Variants in CRTC1 observed in about 807,000 individuals in gnomAD.
The protein encoded by CRTC1 is CREB regulated transcription coactivator 1, also known as CREB-regulated transcription coactivator 1.
A neutral mutation model predicts 66.1 loss-of-function variants in CRTC1; 18 were observed. The observed-to-expected ratio is 0.27, with a 90% confidence interval of 0.19 to 0.40. The LOEUF (loss-of-function observed/expected upper bound fraction) is 0.40. Among genes scored for constraint, CRTC1 ranks in the 10% least tolerant of loss-of-function variants. CRTC1 has a pLI of 1.00. For missense variants in CRTC1, 669 were observed against 887.9 expected, an observed-to-expected ratio of 0.75 and a Z score of 3.13; for synonymous variants, 416 against 398.8, an observed-to-expected ratio of 1.04 and a Z score of -0.51.
chr19:18,733,606 A>G (rs73923156), intron 1 of CRTC1, among the ~76,000 whole-genome samples: 1,981 of 152,260 alleles, frequency 0.013, 25 homozygotes, highest in African/African-American at 0.025. Context: ...ATCATTCCCT[A>G]TCGCTTCCCA....
chr19:18,725,569 A>G (rs936434115), intron 1 of CRTC1, among the ~76,000 whole-genome samples: 4 of 152,064 alleles, frequency 2.6e-5, no homozygotes, highest in Non-Finnish European at 4.4e-5. Context: ...ACCTGTGGCT[A>G]TGCGTGCTCA....
At chr19:18,750,280 C>G (rs1450369504) in intron 5 of CRTC1, among the ~76,000 whole-genome samples, 4 of 152,218 alleles carry the variant, frequency 2.6e-5, no homozygotes, top group African/African-American at 9.7e-5. Flanking sequence ...CACTGCTTCC[C>G]ACTGGACTGT....
At chr19:18,744,467 C>T (rs1380912493) in intron 2 of CRTC1, among the ~76,000 whole-genome samples, 3 of 151,358 alleles carry the variant, frequency 2.0e-5, no homozygotes, top group Admixed American at 6.6e-5. Context: ...CTGCATGGTC[C>T]GTCCCTATAT....
chr19:18,731,002 G>C (rs1407942097), intron 1 of CRTC1, among the ~76,000 whole-genome samples: 1 of 151,880 alleles, frequency 6.6e-6, no homozygotes, highest in Non-Finnish European at 1.5e-5. Context: ...TTAAGAGACA[G>C]TGTCTCGCTG....
intron 2 of CRTC1, 131 bp from the exon 3 acceptor site, chr19:18,745,692 T>C: frequency 1.7e-6 from 2 of 1,162,162 alleles, no homozygotes; most frequent in Non-Finnish European, 2.5e-6. Flanking sequence ...CATCCCAGGC[T>C]GTGGAGCGAT....
chr19:18,696,878 C>T (rs999757525), intron 1 of CRTC1, among the ~76,000 whole-genome samples: 199 of 1,094 alleles, frequency 0.18, no homozygotes, highest in African/African-American at 0.38. Flanking sequence ...ATTGGGAGGG[C>T]GGGTGGGGGA....
At chr19:18,738,666 G>A (rs2054049554) in intron 1 of CRTC1, among the ~76,000 whole-genome samples, 2 of 152,222 alleles carry the variant, frequency 1.3e-5, no homozygotes, top group Admixed American at 1.3e-4. Flanking sequence ...TCTGAGTGTG[G>A]TGGCACGCCT....
chr19:18,710,555 G>A (rs2053367505), intron 1 of CRTC1, among the ~76,000 whole-genome samples: 2 of 152,174 alleles, frequency 1.3e-5, no homozygotes, highest in East Asian at 1.9e-4. Context: ...AGAGGGTAGC[G>A]AGGGTCACAC....
rs776947088 is a variant in CRTC1, at chr19:18,771,504, G to A, written c.1383G>A (p.Ser461=). Residue 461 remains serine, a synonymous_variant, in exon 11 of 14, where the codon TCG becomes TCA. Coordinates refer to ENST00000321949, the MANE Select transcript of CRTC1 (RefSeq NM_015321.3). The surrounding 1 kb of genome is among the most constrained non-coding windows in gnomAD (Gnocchi z 4.6). ...AGSPANQSPT[S]PVSNQGFSPG... is the part of the protein sequence containing the mutation. Reference sequence around the variant, plus strand: ...CCCCGGCCAACCAGTCTCCCACCTCGCCAGTCTCCAATCAAGGCTTCTCCC... The same window carrying A: ...CCCCGGCCAACCAGTCTCCCACCTCACCAGTCTCCAATCAAGGCTTCTCCC... 6.8e-6 allele frequency: 11 copies of A among 1,613,516 alleles called. No homozygotes were observed. The highest frequency in any genetic ancestry group is 1.3e-5 in the African/African-American group (1 of 74,856).
At chr19:18,740,271 C>T (rs2054083722) in intron 1 of CRTC1, among the ~76,000 whole-genome samples, 1 of 151,902 alleles carries the variant, frequency 6.6e-6, no homozygotes, top group Non-Finnish European at 1.5e-5. Context: ...AAAAAATCAC[C>T]CAAGGGAAGA....
intron 1 of CRTC1, among the ~76,000 whole-genome samples, chr19:18,721,938 A>C (rs1402193375): frequency 6.6e-6 from 1 of 152,192 alleles, no homozygotes; most frequent in Non-Finnish European, 1.5e-5. Flanking sequence ...GAGGTCCCCC[A>C]GCCTCCTCTG....
rs371245227 is a variant in CRTC1, at chr19:18,749,826, G to T, written c.489G>T (p.Thr163=). ...SALHQSTMTP[T]QPESFSSGSQ... ...TGCACCAGAGCACAATGACGCCCAC[G>T]CAGCCAGAATCCTTTAGCAGTGGGT... Residue 163 remains threonine, a synonymous_variant, in exon 5 of 14, where the codon ACG becomes ACT. Coordinates refer to ENST00000321949, the MANE Select transcript of CRTC1 (RefSeq NM_015321.3). 6.2e-7 allele frequency: 1 copy of T among 1,614,058 alleles called. No individual in the cohort carries two copies. Among genetic ancestry groups the T allele is most frequent in the South Asian group, 1.1e-5 (1 of 91,084 alleles).
At chr19:18,720,622 T>G (rs1395374647) in intron 1 of CRTC1, among the ~76,000 whole-genome samples, 1 of 144,240 alleles carries the variant, frequency 6.9e-6, no homozygotes, top group Admixed American at 7.1e-5. Flanking sequence ...CGCCTCGGCC[T>G]CCCAGAGTGC....
intron 6 of CRTC1, among the ~76,000 whole-genome samples, chr19:18,758,955 G>A (rs1307715398): frequency 2.6e-5 from 4 of 152,208 alleles, no homozygotes; most frequent in Non-Finnish European, 5.9e-5. Context: ...GGCTTAGGGC[G>A]GCCAGCTTAG....
intron 1 of CRTC1, among the ~76,000 whole-genome samples, chr19:18,728,032 T>C (rs1241186412): frequency 1.3e-5 from 2 of 152,156 alleles, no homozygotes; most frequent in Non-Finnish European, 2.9e-5. Flanking sequence ...GGCCTCCACC[T>C]TACTTTCAGA....
intron 8 of CRTC1, among the ~76,000 whole-genome samples, chr19:18,763,846 C>G (rs1285084348): frequency 6.6e-6 from 1 of 152,216 alleles, no homozygotes; most frequent in Admixed American, 6.5e-5. Context: ...CTGAGCATCT[C>G]TCGGCCTGCT....
chr19:18,718,851 T>C (rs908122473), intron 1 of CRTC1, among the ~76,000 whole-genome samples: 22 of 152,168 alleles, frequency 1.4e-4, no homozygotes, highest in Non-Finnish European at 2.9e-4. Context: ...AGCATGTCAC[T>C]TGTTGAGGAA....
At chr19:18,684,686 A>C (rs2052645898) in intron 1 of CRTC1, among the ~76,000 whole-genome samples, 1 of 152,084 alleles carries the variant, frequency 6.6e-6, no homozygotes, top group South Asian at 2.1e-4. Flanking sequence ...CCCTCTCAGG[A>C]CCAGGGTGGA....
chr19:18,774,712 GC>G (rs2054943171), intron 11 of CRTC1, among the ~76,000 whole-genome samples, 187 bp from the exon 12 acceptor site: 1 of 152,214 alleles, frequency 6.6e-6, no homozygotes, highest in South Asian at 2.1e-4. Flanking sequence ...CCTCCCAGGA[GC>G]AGGTGGCAGA....
Sources: gnomAD v4.1 joint callset for allele counts (sites outside exome capture counted in the v4.1 genomes callset) on GRCh38, gnomAD v4.1.1 for gene constraint, Gnocchi (gnomAD v3.1) non-coding constraint, MANE v1.5 for transcripts, NCBI Gene and HGNC (gene_info 2026-07-23, HGNC 2026-07-21) for gene names.